Variants in ANGPTL1 observed in about 807,000 individuals in gnomAD.
ANGPTL1 encodes angiopoietin-related protein 1.
A neutral mutation model predicts 46.7 loss-of-function variants in ANGPTL1; 36 were observed. That is an observed-to-expected ratio of 0.77 (90% CI 0.59 to 1.02). The LOEUF is 1.02. ANGPTL1 is among the 50% of genes least tolerant of loss of function. The pLI, the probability that ANGPTL1 is intolerant of heterozygous loss-of-function variation, is 0.00. For synonymous variants in ANGPTL1, 221 were observed against 204.3 expected (o/e 1.08, Z -0.69); for missense variants, 571 against 594.7 (o/e 0.96, Z 0.41).
Position 178,865,435 on chromosome 1 carries a change from A to G in ANGPTL1, c.342T>C (p.Asn114=). The G allele has an allele frequency of 2.5e-6, 4 of 1,613,998 alleles. No individual in the cohort carries two copies. Among genetic ancestry groups the G allele is most frequent in the Non-Finnish European group, 3.4e-6 (4 of 1,179,972 alleles). ...LVVDVDGNIV[N]EVKLLRKESR... The stretch of plus-strand genomic sequence containing the variant: ...TTTCCTTTCTCAGCAGCTTTACCTC[A>G]TTCACAATGTTTCCATCTACATCCA... The change falls in exon 3 of 6, where the codon AAT becomes AAC. Residue 114 remains asparagine, a synonymous_variant. Coordinates refer to ENST00000234816, the MANE Select transcript of ANGPTL1 (RefSeq NM_004673.4).
Position 178,865,277 on chromosome 1 carries a change from T to G in ANGPTL1, c.500A>C (p.Lys167Thr), listed in dbSNP as rs757341469. ...KILNVTTEMLKMATRYRELEV... is the reference protein window; with the variant it reads ...KILNVTTEMLTMATRYRELEV... Reference sequence around the variant, plus strand: ...TAGTTCCCTGTATCTTGTTGCCATCTTCAACATTTCTGTGGTGACATTGAG... The same window carrying G: ...TAGTTCCCTGTATCTTGTTGCCATCGTCAACATTTCTGTGGTGACATTGAG... The change falls in exon 3 of 6, where the codon AAG becomes ACG. Residue 167 changes from lysine (K) to threonine (T), a missense_variant. Lys to Thr is a moderately conservative substitution (Grantham distance 78). Transcript: ENST00000234816. 6.2e-7 allele frequency: 1 copy of G among 1,614,138 alleles called. No homozygotes were observed. The highest frequency in any genetic ancestry group is 8.5e-7 in the Non-Finnish European group (1 of 1,180,004).
At chr1:178,866,262 C>T (rs1572427362) in intron 2 of ANGPTL1, among the ~76,000 whole-genome samples, 1 of 152,152 alleles carries the variant, frequency 6.6e-6, no homozygotes. Context: ...GGTGACTTTA[C>T]TAGCCAATGT....
At position 178,853,755 on chromosome 1, in the gene ANGPTL1, C is replaced by T. The variant is rs567965738; in HGVS notation, c.856G>A (p.Ala286Thr). The stretch of plus-strand genomic sequence containing the variant: ...TAAATCCCACTGACCGAATGCCCAG[C>T]TTCTTTTGCTTGCTGACAGTCTTTG... ...PFKDCQQAKE[A>T]GHSVSGIYMI... is the part of the protein sequence containing the mutation. Residue 286 changes from alanine to threonine, a missense_variant, in exon 4 of 6, where the codon GCT (alanine) becomes ACT (threonine). Coordinates refer to ENST00000234816, the MANE Select transcript of ANGPTL1 (RefSeq NM_004673.4). 2 of 1,601,284 alleles carry T rather than the reference C, an allele frequency of 1.2e-6. No individual in the cohort carries two copies. Among genetic ancestry groups the T allele is most frequent in the African/African-American group, 2.7e-5 (2 of 73,902 alleles).
chr1:178,869,653 ATTT>A (rs1658627828), intron 1 of ANGPTL1, among the ~76,000 whole-genome samples: 1 of 152,094 alleles, frequency 6.6e-6, no homozygotes, highest in African/African-American at 2.4e-5. Flanking sequence ...TCCTGCCAGC[ATTT>A]ACAGTTTTAA....
At chr1:178,863,788 A>G (rs947660746) in intron 3 of ANGPTL1, among the ~76,000 whole-genome samples, 3 of 152,216 alleles carry the variant, frequency 2.0e-5, no homozygotes, top group African/African-American at 7.2e-5. Flanking sequence ...TAGGAAGTGA[A>G]GGAAGAATAT....
chr1:178,853,478 A>G, intron 4 of ANGPTL1, 116 bp downstream of exon 4: 1 of 916,336 alleles, frequency 1.1e-6, no homozygotes, highest in Non-Finnish European at 1.5e-6. Flanking sequence ...TAATGAAAAA[A>G]CATATGGATA....
rs1158253954 is a variant in ANGPTL1 at position 178,870,833 on chromosome 1, T to A, written c.-229A>T. ...TGTAGAAGTTTGTTCATCTGTGACTTTAATGGCAGCTGCATTTTTGTTTTG... is the reference window on the plus strand; with the variant it reads ...TGTAGAAGTTTGTTCATCTGTGACTATAATGGCAGCTGCATTTTTGTTTTG... On this transcript the variant is annotated 5_prime_UTR_variant, in exon 1 of 6. An upstream open reading frame in the 5' UTR gains an earlier in-frame stop. Transcript: ENST00000234816. The A allele has an allele frequency of 6.6e-6, 1 of 152,196 alleles. No individual in the cohort carries two copies. Among genetic ancestry groups the A allele is most frequent in the Non-Finnish European group, 1.5e-5 (1 of 68,038 alleles). 9.4% of individuals were successfully genotyped at this position (152,196 alleles called of 1,614,324 possible). A position where few individuals can be genotyped will look rare whatever the true frequency, so the allele number is the denominator to read the frequency against.
At chr1:178,856,794 G>T (rs190965771) in intron 3 of ANGPTL1, among the ~76,000 whole-genome samples, 5 of 152,182 alleles carry the variant, frequency 3.3e-5, no homozygotes, top group Admixed American at 3.3e-4. Context: ...CATCAAAGAT[G>T]AATGTACAGT....
At chr1:178,863,886 C>A (rs1428978386) in intron 3 of ANGPTL1, among the ~76,000 whole-genome samples, 1 of 152,152 alleles carries the variant, frequency 6.6e-6, no homozygotes, top group Non-Finnish European at 1.5e-5. Context: ...TGATATATTT[C>A]TTTCTAGTCT....
intron 3 of ANGPTL1, among the ~76,000 whole-genome samples, chr1:178,857,817 A>G (rs2102311892): frequency 6.6e-6 from 1 of 152,294 alleles, no homozygotes; most frequent in East Asian, 1.9e-4. Context: ...GAATATTTAG[A>G]AACATCAGTG....
intron 3 of ANGPTL1, among the ~76,000 whole-genome samples, chr1:178,855,111 G>T (rs1657441419): frequency 6.6e-6 from 1 of 151,986 alleles, no homozygotes; most frequent in Non-Finnish European, 1.5e-5. Context: ...TGTACTATAA[G>T]GATAATAGGA....
rs1253454665 is a variant in ANGPTL1, at chr1:178,865,810, AAAAC to A, written c.-26-12_-26-9del. The A allele has an allele frequency of 2.0e-6, 3 of 1,490,446 alleles. No individual in the cohort carries two copies. The highest frequency in any genetic ancestry group is 2.7e-6 in the Non-Finnish European group (3 of 1,111,246). The allele number at this position is 1,490,446 out of a possible 1,614,324, so 92.3% of individuals were successfully genotyped here. On this transcript the variant is annotated splice_polypyrimidine_tract_variant and intron_variant, in intron 2 of 5. Transcript: ENST00000234816. ...GAGGTTGTAAAATGATGTCTTTTGAAAAACAAATCAGTGAAGGAGAAAAAGCAAA... is the reference window on the plus strand; with the variant it reads ...GAGGTTGTAAAATGATGTCTTTTGAAAAATCAGTGAAGGAGAAAAAGCAAA...
chr1:178,854,524 T>G (rs1657401138), intron 3 of ANGPTL1, among the ~76,000 whole-genome samples: 1 of 152,124 alleles, frequency 6.6e-6, no homozygotes, highest in African/African-American at 2.4e-5. Flanking sequence ...TAACAGCCCA[T>G]GAGAATACAT....
intron 2 of ANGPTL1, 58 bp from the exon 3 acceptor site, chr1:178,865,860 G>A (rs943630010): frequency 1.7e-5 from 17 of 1,030,242 alleles, no homozygotes; most frequent in Middle Eastern, 2.1e-4. Flanking sequence ...ATTAATCTAT[G>A]TTAAAGTCAG....
In ANGPTL1 at chr1:178,853,697, A is replaced by G. The variant is rs752173203; in HGVS notation, c.914T>C (p.Met305Thr). ...MIKPENSNGP[M>T]QLWCENSLDP... ...CAAACTGTTTTCACACCATAACTGC[A>G]TTGGTCCATTGCTGTTTTCAGGTTT... The change falls in exon 4 of 6, where the codon ATG becomes ACG. Residue 305 changes from methionine (M) to threonine (T), a missense_variant. Transcript: ENST00000234816. The G allele has an allele frequency of 2.5e-6, 4 of 1,613,186 alleles. No homozygotes were observed. The Admixed American group carries it at 5.0e-5, about 20-fold the overall frequency.
At chr1:178,859,977 A>G (rs2102319490) in intron 3 of ANGPTL1, among the ~76,000 whole-genome samples, 1 of 152,040 alleles carries the variant, frequency 6.6e-6, no homozygotes, top group East Asian at 1.9e-4. Flanking sequence ...TCGGCTACAC[A>G]AAGCACTTCT....
intron 3 of ANGPTL1, among the ~76,000 whole-genome samples, chr1:178,856,202 G>GAGATATATATATATATATATAT (rs1428022812): frequency 5.0e-4 from 42 of 83,890 alleles, no homozygotes; most frequent in African/African-American, 2.6e-3. Context: ...GAGAGAGAGA[G>GAGATATATATATATATATATAT]ATATATATAT....
intron 2 of ANGPTL1, among the ~76,000 whole-genome samples, chr1:178,867,851 A>G (rs1032694476): frequency 6.6e-6 from 1 of 151,588 alleles, no homozygotes; most frequent in Non-Finnish European, 1.5e-5. Context: ...ATGAAATATA[A>G]CTCTTATGCT....
At chr1:178,856,714 C>T (rs1657611715) in intron 3 of ANGPTL1, among the ~76,000 whole-genome samples, 2 of 152,012 alleles carry the variant, frequency 1.3e-5, no homozygotes, top group South Asian at 4.1e-4. Flanking sequence ...CTCATCTTAA[C>T]ACATAATTGT....
Sources: allele counts gnomAD v4.1 joint callset (sites outside exome capture counted in the v4.1 genomes callset), GRCh38; gene constraint gnomAD v4.1.1; transcripts MANE v1.5; gene names NCBI Gene and HGNC (gene_info 2026-07-23, HGNC 2026-07-21).